FBXO9: variants seen among roughly 807,000 people sequenced by gnomAD.
FBXO9 encodes the protein F-box protein 9.
A neutral mutation model predicts 63.7 loss-of-function variants in FBXO9; 43 were observed. That is an observed-to-expected ratio of 0.67 (90% CI 0.53 to 0.87). The LOEUF (loss-of-function observed/expected upper bound fraction) is 0.87, where lower values mean the gene tolerates loss of function less well. FBXO9 is among the 40% of genes least tolerant of loss of function. The pLI is 0.00. For missense variants in FBXO9, 442 were observed against 533.2 expected (o/e 0.83, Z 1.68); for synonymous variants, 156 against 171.7 (o/e 0.91, Z 0.72).
intron 1 of FBXO9, among the ~76,000 whole-genome samples, chr6:53,067,316 G>A (rs1396616129): frequency 6.6e-6 from 1 of 152,142 alleles, no homozygotes; most frequent in Admixed American, 6.5e-5. Context: ...TTGACCTTAT[G>A]GTTACAGAGG....
At position 53,097,924 on chromosome 6, in the gene FBXO9, GTGTATATATA is replaced by G. The variant is rs1165912117; in HGVS notation, c.*96_*105del. The G allele has an allele frequency of 3.8e-4, 35 of 91,610 alleles. 1 individual carries two copies. Among genetic ancestry groups the G allele is most frequent in the Admixed American group, 7.1e-4 (4 of 5,666 alleles). The allele number at this position is 91,610 out of a possible 1,614,324, so 5.7% of individuals were successfully genotyped here. ...TATAAATGTGTGTGTGTGCGTGTGT[GTGTATATATA>G]TATATATATATATATATATATATAT... On this transcript the variant is annotated 3_prime_UTR_variant, in exon 13 of 13. Transcript: ENST00000323557.
In FBXO9 at chr6:53,093,296, G is replaced by A. The variant is rs529809615; in HGVS notation, c.864-170G>A. On this transcript the variant is annotated intron_variant, in intron 9 of 12. Coordinates refer to ENST00000323557, the MANE Select transcript of FBXO9 (RefSeq NM_033480.3). ...AAATATCTTTGGTTCTTTGTTGCTG[G>A]ACTAACAGGTAGTCAGTAATATTTG... 4 of 478,514 alleles carry A rather than the reference G, an allele frequency of 8.4e-6. No individual in the cohort carries two copies. The South Asian group carries it at 1.8e-4, about 22-fold the overall frequency. The allele number at this position is 478,514 out of a possible 1,614,324, so 29.6% of individuals were successfully genotyped here.
rs764309759 is a variant in FBXO9 at position 53,092,384 on chromosome 6, G to A, written c.654-45G>A. 5.1e-6 allele frequency: 7 copies of A among 1,364,120 alleles called. No individual in the cohort carries two copies. The South Asian group carries it at 8.2e-5, about 16-fold the overall frequency. 84.5% of individuals were successfully genotyped at this position (1,364,120 alleles called of 1,614,324 possible). ...TGATAGCAAAAATATTTATGTCTAT[G>A]TATAGGGACTTAGTTTTTATTGACA... On this transcript the variant is annotated intron_variant, in intron 7 of 12. Transcript: ENST00000323557.
chr6:53,086,488 A>G (rs1762891675), intron 7 of FBXO9, among the ~76,000 whole-genome samples: 1 of 152,190 alleles, frequency 6.6e-6, no homozygotes, highest in African/African-American at 2.4e-5. Context: ...TACCTTTTAT[A>G]GGGTATTTGC....
At chr6:53,073,310 A>C (rs575850586) in intron 2 of FBXO9, among the ~76,000 whole-genome samples, 171 bp from the exon 3 acceptor site, 1 of 152,232 alleles carries the variant, frequency 6.6e-6, no homozygotes, top group African/African-American at 2.4e-5. Flanking sequence ...GCAGAAAATT[A>C]TTTTAAAAGA....
chr6:53,078,220 G>A (rs555920571), intron 4 of FBXO9, among the ~76,000 whole-genome samples: 21 of 152,304 alleles, frequency 1.4e-4, no homozygotes, highest in African/African-American at 4.8e-4. Context: ...TTGGCAGGCT[G>A]AGGCGGGAGG....
chr6:53,077,818 C>G (rs1769172400), intron 4 of FBXO9, among the ~76,000 whole-genome samples: 1 of 152,160 alleles, frequency 6.6e-6, no homozygotes, highest in African/African-American at 2.4e-5. Flanking sequence ...CGCATCTCCA[C>G]TTAGTGTATG....
At chr6:53,081,150 A>T in intron 6 of FBXO9, 52 bp downstream of exon 6, 3 of 1,552,578 alleles carry the variant, frequency 1.9e-6, no homozygotes, top group Non-Finnish European at 2.6e-6. Flanking sequence ...AACCTTAAAG[A>T]TTTCCAAATT....
chr6:53,093,762 T>C lies in FBXO9; in HGVS notation c.960-123T>C, dbSNP rs963665567. 3 of 910,242 alleles carry C rather than the reference T, an allele frequency of 3.3e-6. No individual in the cohort carries two copies. In the African/African-American group the frequency reaches 5.1e-5, roughly 15 times the overall value. The allele number at this position is 910,242 out of a possible 1,614,324, so 56.4% of individuals were successfully genotyped here. On this transcript the variant is annotated intron_variant, in intron 10 of 12. Coordinates refer to ENST00000323557, the MANE Select transcript of FBXO9 (RefSeq NM_033480.3). ...AGGTCTTTGGAGCCTTGGAATTGAG[T>C]TTTACTCAATCCTAGCTGATTCTTT...
At chr6:53,073,422 T>C (rs2127488756) in intron 2 of FBXO9, 59 bp from the exon 3 acceptor site, 1 of 1,443,742 alleles carries the variant, frequency 6.9e-7, no homozygotes, top group East Asian at 2.3e-5. Context: ...TATTGATACA[T>C]TGTTCCAGAG....
chr6:53,074,521 G>A (rs1260909887), intron 3 of FBXO9, among the ~76,000 whole-genome samples: 1 of 152,192 alleles, frequency 6.6e-6, no homozygotes, highest in African/African-American at 2.4e-5. Context: ...CTGTGTGTAT[G>A]TGTATAAATA....
intron 4 of FBXO9, 113 bp downstream of exon 4, chr6:53,076,656 A>G (rs1479231305): frequency 7.9e-6 from 6 of 754,816 alleles, no homozygotes; most frequent in Non-Finnish European, 9.8e-6. Flanking sequence ...TTTTCTTAAT[A>G]CATTCTTCCT....
chr6:53,075,035 T>G (rs1004590523), intron 3 of FBXO9, among the ~76,000 whole-genome samples: 18 of 152,212 alleles, frequency 1.2e-4, no homozygotes, highest in Non-Finnish European at 2.1e-4. Context: ...GCCAAAGTGT[T>G]TTCTAGAGTA....
At chr6:53,070,934 G>C (rs1768894101) in intron 1 of FBXO9, 123 bp from the exon 2 acceptor site, 1 of 1,469,642 alleles carries the variant, frequency 6.8e-7, no homozygotes, top group South Asian at 1.4e-5. Context: ...GCTACTCAAA[G>C]TGGGTTCCAC....
intron 12 of FBXO9, among the ~76,000 whole-genome samples, chr6:53,096,852 G>A (rs997130831): frequency 5.9e-5 from 9 of 152,162 alleles, no homozygotes; most frequent in African/African-American, 2.2e-4. Context: ...GCTGCGGTGA[G>A]CTATGATCAC....
In FBXO9 at chr6:53,078,895, G is replaced by C; in HGVS notation, c.404G>C (p.Ser135Thr). 1 of 1,610,328 alleles carries C rather than the reference G, an allele frequency of 6.2e-7. No individual in the cohort carries two copies. Among genetic ancestry groups the C allele is most frequent in the Non-Finnish European group, 8.5e-7 (1 of 1,176,588 alleles). ...CCAGATGGTGATGGCGTTGGAAACA[G>C]CTAGTGCGTATATAATTTGATAGAT... ...RSPDGDGVGN[S>T]YIEDNDDDSK... Residue 135 changes from serine (S) to threonine (T), a missense_variant, in exon 5 of 13, where the codon AGC becomes ACC. Coordinates refer to ENST00000323557, the MANE Select transcript of FBXO9 (RefSeq NM_033480.3).
At chr6:53,067,079 T>C in intron 1 of FBXO9, among the ~76,000 whole-genome samples, 1 of 152,224 alleles carries the variant, frequency 6.6e-6, no homozygotes. Context: ...TATTTGTCGA[T>C]TCAGCCAATA....
chr6:53,097,691 A>G, intron 12 of FBXO9, 31 bp from the exon 13 acceptor site: 11 of 1,290,174 alleles, frequency 8.5e-6, no homozygotes, highest in Non-Finnish European at 1.2e-5. Context: ...AAATTTCCTC[A>G]TACTAGTAAT....
At chr6:53,092,339 C>T in intron 7 of FBXO9, 90 bp from the exon 8 acceptor site, 1 of 926,518 alleles carries the variant, frequency 1.1e-6, no homozygotes, top group Non-Finnish European at 1.7e-6. Flanking sequence ...TCAACAAATA[C>T]TTGCTAAATA....
Sources: gnomAD v4.1 joint callset for allele counts (sites outside exome capture counted in the v4.1 genomes callset) on GRCh38, gnomAD v4.1.1 for gene constraint, MANE v1.5 for transcripts, NCBI Gene and HGNC (gene_info 2026-07-23, HGNC 2026-07-21) for gene names.